JAK2: variants seen among roughly 807,000 people sequenced by gnomAD.
JAK2 encodes the protein Janus kinase 2, also known as tyrosine-protein kinase JAK2.
Under a neutral mutation model 139.3 loss-of-function variants are expected in JAK2, and 86 were observed. The ratio of observed to expected loss-of-function variants is 0.62; its 90% CI spans 0.52 to 0.74. The LOEUF (loss-of-function observed/expected upper bound fraction) is 0.74, where lower values mean the gene tolerates loss of function less well. Ranked by LOEUF, JAK2 falls within the 30% of genes least tolerant of loss-of-function variation. The pLI is 0.00. For missense variants in JAK2, 1,421 were observed against 1,360.3 expected (o/e 1.04, Z -0.70); for synonymous variants, 490 against 437.7 (o/e 1.12, Z -1.49).
At chr9:5,079,461 A>G (rs944298990) in intron 16 of JAK2, among the ~76,000 whole-genome samples, 2 of 151,594 alleles carry the variant, frequency 1.3e-5, no homozygotes, top group African/African-American at 2.4e-5. Flanking sequence ...GGTGCAATTT[A>G]GCCTTCCATC....
chr9:5,126,136 A>G, intron 23 of JAK2, 197 bp from the exon 24 acceptor site: 1 of 473,492 alleles, frequency 2.1e-6, no homozygotes, highest in Admixed American at 3.9e-5. Context: ...TATTACAGCT[A>G]TGGAAATGGA....
intron 19 of JAK2, chr9:5,085,254 G>A: frequency 1.5e-6 from 1 of 679,274 alleles, no homozygotes; most frequent in Non-Finnish European, 2.8e-6. Flanking sequence ...TGGCTAACCT[G>A]AGATTCACAT....
chr9:5,112,315 A>T (rs1822663931), intron 22 of JAK2: 2 of 276,676 alleles, frequency 7.2e-6, no homozygotes. Flanking sequence ...CCAGCTAGCC[A>T]GGCGCCCTCC....
At chr9:5,097,156 C>T (rs1363754450) in intron 22 of JAK2, 1 of 152,138 alleles carries the variant, frequency 6.6e-6, no homozygotes, top group Non-Finnish European at 1.5e-5. Flanking sequence ...AACTTTATTA[C>T]TACAATTATT....
At chr9:4,991,833 G>A (rs1820271746) in intron 2 of JAK2, among the ~76,000 whole-genome samples, 2 of 152,018 alleles carry the variant, frequency 1.3e-5, no homozygotes, top group African/African-American at 4.8e-5. Flanking sequence ...TTGTGTAGAA[G>A]AGCTCATCCC....
In JAK2 at chr9:5,124,052, C is replaced by T. The variant is rs554774376; in HGVS notation, c.3177+931C>T. Reference sequence around the variant, plus strand: ...GATCTCCTTTGTCCACTTTTTAACACGATTATTAGGGGGTTTTGGTTGAAT... The same window carrying T: ...GATCTCCTTTGTCCACTTTTTAACATGATTATTAGGGGGTTTTGGTTGAAT... On this transcript the variant is annotated intron_variant, in intron 23 of 24. Transcript: ENST00000381652. Among the ~76,000 whole-genome samples the T allele has an allele frequency of 4.6e-5, 7 of 151,474 alleles. No homozygotes were observed. The South Asian group carries it at 1.0e-3, about 22-fold the overall frequency.
In JAK2 at chr9:5,077,500, C is replaced by G. The variant is rs1446557297; in HGVS notation, c.1912C>G (p.Leu638Val). 1 of 1,419,416 alleles carries G rather than the reference C, an allele frequency of 7.0e-7. No homozygotes were observed. The highest frequency in any genetic ancestry group is 9.4e-7 in the Non-Finnish European group (1 of 1,059,942). The allele number at this position is 1,419,416 out of a possible 1,614,324, so 87.9% of individuals were successfully genotyped here. ...AAAATTTGGATCACTAGATACATAT[C>G]TGAAAAAGAATAAAAATTGTATAAA... is the stretch of plus-strand genomic sequence containing the variant. ...FVKFGSLDTYLKKNKNCINIL... is the reference protein window; with the variant it reads ...FVKFGSLDTYVKKNKNCINIL... The change falls in exon 15 of 25, where the codon CTG (leucine) becomes GTG (valine). Residue 638 changes from leucine (L) to valine (V), a missense_variant. Leu to Val is a conservative substitution (Grantham distance 32). Coordinates refer to ENST00000381652, the MANE Select transcript of JAK2 (RefSeq NM_004972.4).
At chr9:5,030,850 A>C (rs1002858547) in intron 4 of JAK2, among the ~76,000 whole-genome samples, 1 of 152,146 alleles carries the variant, frequency 6.6e-6, no homozygotes, top group Non-Finnish European at 1.5e-5. Context: ...TGAGTTCAAA[A>C]AAATATTTTT....
intron 8 of JAK2, 106 bp from the exon 9 acceptor site, chr9:5,064,777 A>T (rs1294858884): frequency 1.3e-6 from 1 of 767,988 alleles, no homozygotes; most frequent in African/African-American, 1.8e-5. Context: ...AGATATGAGC[A>T]ATTTAGAAGA....
At chr9:5,116,143 T>A (rs142902109) in intron 22 of JAK2, among the ~76,000 whole-genome samples, 1 of 152,218 alleles carries the variant, frequency 6.6e-6, no homozygotes, top group South Asian at 2.1e-4. Flanking sequence ...TTAATCCTCA[T>A]AACAACCCTT....
In JAK2 at chr9:5,118,734, A is replaced by G. The variant is rs1232615266; in HGVS notation, c.3060-4270A>G. ...GAGTTTTGTTATAATAGTATCATTC[A>G]TTTCTATGACGCCTTCTGAGATATG... On this transcript the variant is annotated intron_variant, in intron 22 of 24. Coordinates refer to ENST00000381652, the MANE Select transcript of JAK2 (RefSeq NM_004972.4). Among the ~76,000 whole-genome samples, 5 of 152,320 alleles carry G rather than the reference A, an allele frequency of 3.3e-5. 1 individual carries two copies. The East Asian group carries it at 9.6e-4, about 29-fold the overall frequency.
intron 2 of JAK2, among the ~76,000 whole-genome samples, chr9:4,994,616 G>A (rs1820455613): frequency 6.6e-6 from 1 of 152,174 alleles, no homozygotes; most frequent in African/African-American, 2.4e-5. Flanking sequence ...CCGCCTTTGT[G>A]GTGCAAAAGC....
chr9:4,993,991 T>C (rs937793119), intron 2 of JAK2, among the ~76,000 whole-genome samples: 1 of 152,168 alleles, frequency 6.6e-6, no homozygotes, highest in African/African-American at 2.4e-5. Flanking sequence ...TGATGTCCTG[T>C]CTAGGGTTGG....
chr9:5,021,518 A>C (rs1415439155), intron 2 of JAK2, among the ~76,000 whole-genome samples: 1 of 152,252 alleles, frequency 6.6e-6, no homozygotes, highest in African/African-American at 2.4e-5. Flanking sequence ...GTAGTAATAC[A>C]CGATATTTAT....
chr9:5,030,741 A>G (rs1452265867), intron 4 of JAK2, among the ~76,000 whole-genome samples: 3 of 152,090 alleles, frequency 2.0e-5, no homozygotes, highest in Non-Finnish European at 2.9e-5. Context: ...CTCTCAATAA[A>G]TTTTAGTATT....
chr9:5,052,142 TTATAAA>T (rs1817458063), intron 6 of JAK2, among the ~76,000 whole-genome samples: 1 of 152,102 alleles, frequency 6.6e-6, no homozygotes, highest in Non-Finnish European at 1.5e-5. Flanking sequence ...AAGATGAATG[TTATAAA>T]TATGAAGCCA....
intron 2 of JAK2, among the ~76,000 whole-genome samples, chr9:4,990,911 T>G (rs1157571038): frequency 6.6e-6 from 1 of 152,142 alleles, no homozygotes; most frequent in Non-Finnish European, 1.5e-5. Context: ...AGGATGAGAA[T>G]TTTAGGCATA....
At chr9:5,095,811 T>C (rs1048435675) in intron 22 of JAK2, among the ~76,000 whole-genome samples, 1 of 152,194 alleles carries the variant, frequency 6.6e-6, no homozygotes, top group African/African-American at 2.4e-5. Flanking sequence ...TACTAACTTA[T>C]AATCCAAACG....
intron 8 of JAK2, among the ~76,000 whole-genome samples, chr9:5,057,858 G>C (rs1460031555): frequency 6.6e-6 from 1 of 152,014 alleles, no homozygotes; most frequent in Non-Finnish European, 1.5e-5. Context: ...TGGGATTACA[G>C]GTGTGAGCCA....
Sources: allele counts gnomAD v4.1 joint callset (sites outside exome capture counted in the v4.1 genomes callset), GRCh38; gene constraint gnomAD v4.1.1; transcripts MANE v1.5; gene names NCBI Gene and HGNC (gene_info 2026-07-23, HGNC 2026-07-21).